LMO7: variants seen among roughly 807,000 people sequenced by gnomAD.
LMO7 encodes LIM domain 7.
A neutral mutation model predicts 206.5 loss-of-function variants in LMO7; 120 were observed. The observed-to-expected ratio is 0.58, with a 90% confidence interval of 0.50 to 0.68. The LOEUF (loss-of-function observed/expected upper bound fraction) is 0.68, where lower values mean the gene tolerates loss of function less well. LMO7 is among the 30% of genes least tolerant of loss of function. LMO7 has a pLI of 0.00. For synonymous variants in LMO7, 706 were observed against 681.5 expected, an observed-to-expected ratio of 1.04 and a Z score of -0.56; for missense variants, 1,959 against 1,957.9, an observed-to-expected ratio of 1.00 and a Z score of -0.01.
At chr13:75,705,305 T>C (rs1281814628) in intron 1 of LMO7, among the ~76,000 whole-genome samples, 1 of 152,232 alleles carries the variant, frequency 6.6e-6, no homozygotes, top group Non-Finnish European at 1.5e-5. Flanking sequence ...AAATATTAAT[T>C]TCCCTTTTAA....
intron 2 of LMO7, among the ~76,000 whole-genome samples, chr13:75,722,223 C>A (rs530817314): frequency 6.6e-6 from 1 of 152,166 alleles, no homozygotes; most frequent in Non-Finnish European, 1.5e-5. Flanking sequence ...AATTAAAAAA[C>A]TTCTGCACAG....
chr13:75,786,094 C>T (rs750475929), intron 4 of LMO7, among the ~76,000 whole-genome samples: 4 of 152,130 alleles, frequency 2.6e-5, no homozygotes, highest in Non-Finnish European at 4.4e-5. Flanking sequence ...ACTAGTTCAT[C>T]CTCACCCCTC....
At chr13:75,635,481 A>C (rs2035666761), upstream of LMO7, among the ~76,000 whole-genome samples, 1 of 151,542 alleles carries the variant, frequency 6.6e-6, no homozygotes, top group South Asian at 2.1e-4. Context: ...GCCGCGGCGG[A>C]TACCGCATAA....
At chr13:75,738,388 A>G (rs1433272817) in intron 3 of LMO7, among the ~76,000 whole-genome samples, 1 of 152,238 alleles carries the variant, frequency 6.6e-6, no homozygotes, top group Admixed American at 6.5e-5. Flanking sequence ...ATGGCAATAC[A>G]GAGAGAGATG....
At position 75,841,660 on chromosome 13, in the gene LMO7, T is replaced by C; in HGVS notation, c.3708T>C (p.Ser1236=). ...ELMVLSSNSM[S]LTTREPSLAT... Reference sequence around the variant, plus strand: ...TGGTCCTAAGCTCAAACAGCATGTCTCTGACCACACGGGAGCCCTCTCTTG... The same window carrying C: ...TGGTCCTAAGCTCAAACAGCATGTCCCTGACCACACGGGAGCCCTCTCTTG... The change falls in exon 24 of 31, where the codon TCT becomes TCC. Residue 1236 remains serine (S), a synonymous_variant. Transcript: ENST00000377534. 6.2e-7 allele frequency: 1 copy of C among 1,614,044 alleles called. No homozygotes were observed. Among genetic ancestry groups the C allele is most frequent in the Non-Finnish European group, 8.5e-7 (1 of 1,179,968 alleles).
At chr13:75,779,515 T>A (rs1341260312) in intron 4 of LMO7, among the ~76,000 whole-genome samples, 1 of 152,216 alleles carries the variant, frequency 6.6e-6, no homozygotes, top group East Asian at 1.9e-4. Flanking sequence ...TTAACCTGAA[T>A]TTGAAAGCTA....
chr13:75,704,291 G>A (rs116256079), intron 1 of LMO7, among the ~76,000 whole-genome samples: 32 of 152,276 alleles, frequency 2.1e-4, no homozygotes, highest in African/African-American at 5.1e-4. Flanking sequence ...GATGTGGTTC[G>A]TCTGTACCAC....
chr13:75,781,096 CTTTTTTTTTTTT>C (rs367937964), intron 4 of LMO7, among the ~76,000 whole-genome samples: 5 of 41,926 alleles, frequency 1.2e-4, no homozygotes, highest in South Asian at 1.8e-3. Flanking sequence ...CTCTATTTTC[CTTTTTTTTTTTT>C]TTTTTTTTTT....
intron 6 of LMO7, among the ~76,000 whole-genome samples, chr13:75,800,467 A>G (rs1396307662): frequency 6.6e-6 from 1 of 152,140 alleles, no homozygotes; most frequent in Non-Finnish European, 1.5e-5. Context: ...TACTTTGAAT[A>G]TTGAATACCC....
intron 1 of LMO7, among the ~76,000 whole-genome samples, chr13:75,699,204 G>T (rs1424221810): frequency 2.0e-5 from 3 of 152,140 alleles, no homozygotes; most frequent in South Asian, 4.1e-4. Flanking sequence ...CCCAGTAGGT[G>T]CCTGAAACTG....
chr13:75,839,092 T>C (rs1450018236), intron 20 of LMO7, among the ~76,000 whole-genome samples: 1 of 152,254 alleles, frequency 6.6e-6, no homozygotes, highest in Non-Finnish European at 1.5e-5. Context: ...TTAAGGTCTC[T>C]TTTGGACCAT....
chr13:75,805,552 T>C lies in LMO7; in HGVS notation c.988T>C (p.Tyr330His). The C allele has an allele frequency of 6.2e-7, 1 of 1,613,942 alleles. No individual in the cohort carries two copies. The highest frequency in any genetic ancestry group is 8.5e-7 in the Non-Finnish European group (1 of 1,179,796). Residue 330 changes from tyrosine (Y) to histidine (H), a missense_variant, in exon 9 of 31, where the codon TAT becomes CAT. Coordinates refer to ENST00000377534, the MANE Select transcript of LMO7 (RefSeq NM_001306080.2). ...TVQGTSKSSC[Y>H]LEEEKAKTRS... Reference sequence around the variant, plus strand: ...ACAAGGAACTTCAAAGTCCTCTTGTTATTTGGAAGAGGAAAAAGCAAAGAC... The same window carrying C: ...ACAAGGAACTTCAAAGTCCTCTTGTCATTTGGAAGAGGAAAAAGCAAAGAC...
At chr13:75,797,828 C>T (rs2054229754) in intron 6 of LMO7, among the ~76,000 whole-genome samples, 2 of 152,180 alleles carry the variant, frequency 1.3e-5, no homozygotes, top group Non-Finnish European at 2.9e-5. Context: ...ACGCTGTATT[C>T]AAATTCCTTG....
chr13:75,738,522 C>T (rs2046143474), intron 3 of LMO7, among the ~76,000 whole-genome samples: 3 of 152,066 alleles, frequency 2.0e-5, no homozygotes, highest in African/African-American at 7.2e-5. Context: ...GGGCTTTTCT[C>T]ACTTGGCTGA....
intron 1 of LMO7, among the ~76,000 whole-genome samples, chr13:75,699,910 T>G (rs561311503): frequency 5.1e-4 from 77 of 152,324 alleles, no homozygotes; most frequent in Admixed American, 2.9e-3. Flanking sequence ...TCCCTTATCT[T>G]CAACTGCATA....
At chr13:75,789,206 T>C (rs1322096208) in intron 4 of LMO7, 1 of 152,186 alleles carries the variant, frequency 6.6e-6, no homozygotes, top group East Asian at 1.9e-4. Context: ...TTATCATACA[T>C]GTTTCCCTGT....
intron 9 of LMO7, chr13:75,805,968 T>C: frequency 9.0e-7 from 1 of 1,107,654 alleles, no homozygotes. Context: ...CTATACATAG[T>C]CATAGCACGG....
Position 75,853,145 on chromosome 13 carries a change from C to T in LMO7, c.4418C>T (p.Pro1473Leu), listed in dbSNP as rs1282050711. Residue 1473 changes from proline (P) to leucine (L), a missense_variant, in exon 28 of 31, where the codon CCT (proline) becomes CTT (leucine). Transcript: ENST00000377534. ...DSPRSNSWRQPPWLNQPTGFY... is the reference protein window; with the variant it reads ...DSPRSNSWRQLPWLNQPTGFY... ...CCCCGATCCAATTCTTGGAGACAGC[C>T]TCCTTGGCTCAATCAGCCCACAGGA... The T allele has an allele frequency of 6.2e-7, 1 of 1,613,820 alleles. No homozygotes were observed. The highest frequency in any genetic ancestry group is 1.7e-5 in the Admixed American group (1 of 59,988).
intron 4 of LMO7, among the ~76,000 whole-genome samples, chr13:75,770,294 A>G (rs2049458150): frequency 6.6e-6 from 1 of 151,780 alleles, no homozygotes. Flanking sequence ...CTTTTTGTCC[A>G]GGGTAGAGAG....
Sources: gnomAD v4.1 joint callset for allele counts (sites outside exome capture counted in the v4.1 genomes callset) on GRCh38, gnomAD v4.1.1 for gene constraint, MANE v1.5 for transcripts, NCBI Gene and HGNC (gene_info 2026-07-23, HGNC 2026-07-21) for gene names.